TCF4: variants seen among roughly 807,000 people sequenced by gnomAD.
TCF4 encodes SL3-3 enhancer factor 2.
Under a neutral mutation model 82.1 loss-of-function variants are expected in TCF4, and 3 were observed. The ratio of observed to expected loss-of-function variants is 0.04; its 90% confidence interval spans 0.02 to 0.09. The LOEUF (loss-of-function observed/expected upper bound fraction) is 0.09, where lower values mean the gene tolerates loss of function less well. TCF4 is among the 10% of genes least tolerant of loss of function. The pLI, the probability that TCF4 is intolerant of heterozygous loss-of-function variation, is 1.00. For missense variants in TCF4, 518 were observed against 852.7 expected, an observed-to-expected ratio of 0.61 and a Z score of 4.89; for synonymous variants, 276 against 309.6, an observed-to-expected ratio of 0.89 and a Z score of 1.14.
Position 55,226,241 on chromosome 18 carries a change from T to G in TCF4, c.*1794A>C, listed in dbSNP as rs1195300900. ...CAATGGATTTATGGCATTTACTCAG[T>G]GCTGATAGGTGGAAAAACTACTTGA... On this transcript the variant is annotated 3_prime_UTR_variant, in exon 20 of 20. Coordinates refer to ENST00000354452, the MANE Select transcript of TCF4 (RefSeq NM_001083962.2). 1.3e-5 allele frequency: 2 copies of G among 152,008 alleles called. No homozygotes were observed. The highest frequency in any genetic ancestry group is 4.8e-5 in the African/African-American group (2 of 41,292). 9.4% of individuals were successfully genotyped at this position (152,008 alleles called of 1,614,324 possible). A position where few individuals can be genotyped will look rare whatever the true frequency, so the allele number is the denominator to read the frequency against.
At chr18:55,544,342 A>G (rs963752114) in intron 3 of TCF4, among the ~76,000 whole-genome samples, 15 of 152,194 alleles carry the variant, frequency 9.9e-5, no homozygotes, top group African/African-American at 3.6e-4. Flanking sequence ...TCCTCACAAC[A>G]TACTAGGGGG....
At chr18:55,526,395 CA>C (rs1039093838) in intron 3 of TCF4, among the ~76,000 whole-genome samples, 1 of 152,168 alleles carries the variant, frequency 6.6e-6, no homozygotes, top group African/African-American at 2.4e-5. Flanking sequence ...TTTGTTCATT[CA>C]TAACCAATAA....
intron 4 of TCF4, among the ~76,000 whole-genome samples, chr18:55,463,103 T>A (rs2095905265): frequency 1.3e-5 from 2 of 152,116 alleles, no homozygotes; most frequent in African/African-American, 2.4e-5. Flanking sequence ...TCTATATATA[T>A]ATAGCTGGTT....
intron 2 of TCF4, among the ~76,000 whole-genome samples, chr18:55,617,558 C>A (rs1214054367): frequency 1.3e-5 from 2 of 152,022 alleles, no homozygotes; most frequent in African/African-American, 4.8e-5. Context: ...TCTTCCAATC[C>A]ATGAATATGG....
chr18:55,447,222 A>T (rs2095541924), intron 5 of TCF4, among the ~76,000 whole-genome samples: 1 of 151,436 alleles, frequency 6.6e-6, no homozygotes, highest in African/African-American at 2.4e-5. Flanking sequence ...AGGAGGGAAG[A>T]TCTTAAGCCC....
intron 6 of TCF4, among the ~76,000 whole-genome samples, chr18:55,390,312 A>G (rs997529409): frequency 6.9e-6 from 1 of 145,166 alleles, no homozygotes; most frequent in Non-Finnish European, 1.5e-5. Context: ...AAAAAAAAAG[A>G]AAGAAAGAAA....
chr18:55,432,153 A>C (rs1406009938), intron 5 of TCF4, among the ~76,000 whole-genome samples: 3 of 152,016 alleles, frequency 2.0e-5, no homozygotes, highest in Non-Finnish European at 2.9e-5. Context: ...ATATACAAAA[A>C]TTAGCTGGGC....
chr18:55,232,385 T>C, intron 17 of TCF4, 124 bp downstream of exon 17: 1 of 1,082,850 alleles, frequency 9.2e-7, no homozygotes, highest in Non-Finnish European at 1.4e-6. Context: ...AGTAGGCCTT[T>C]AATTTTCTTT....
intron 8 of TCF4, among the ~76,000 whole-genome samples, chr18:55,303,268 C>CA (rs1376359632): frequency 2.0e-5 from 3 of 148,254 alleles, no homozygotes; most frequent in African/African-American, 7.5e-5. Flanking sequence ...CACACACACA[C>CA]CCCTACACAC....
chr18:55,423,342 G>A (rs1445354601), intron 5 of TCF4, among the ~76,000 whole-genome samples: 1 of 151,558 alleles, frequency 6.6e-6, no homozygotes, highest in African/African-American at 2.4e-5. Context: ...TTGGTCTTCC[G>A]TGGTTCACGA....
intron 3 of TCF4, among the ~76,000 whole-genome samples, chr18:55,539,976 A>G (rs1452787): frequency 0.24 from 36,886 of 151,954 alleles, 5,276 homozygotes; most frequent in Middle Eastern, 0.4. Context: ...CAAATGCTCA[A>G]TATACGTTAT....
intron 8 of TCF4, chr18:55,332,126 T>G (rs2077688190): frequency 6.6e-6 from 1 of 152,226 alleles, no homozygotes; most frequent in Non-Finnish European, 1.5e-5. Context: ...TTAATCTATA[T>G]TCTACTTTGA....
chr18:55,585,477 A>C (rs1339592448), intron 2 of TCF4, 125 bp from the exon 3 acceptor site: 3 of 886,678 alleles, frequency 3.4e-6, no homozygotes, highest in African/African-American at 1.7e-5. Context: ...TTAGTAAAAT[A>C]CATCACCATC....
chr18:55,449,597 G>A (rs2095585628), intron 5 of TCF4, among the ~76,000 whole-genome samples: 1 of 152,230 alleles, frequency 6.6e-6, no homozygotes, highest in Non-Finnish European at 1.5e-5. Flanking sequence ...GAGCTGTTAA[G>A]AGTACAGCTT....
At chr18:55,288,852 C>A (rs1489078511) in intron 8 of TCF4, among the ~76,000 whole-genome samples, 1 of 152,180 alleles carries the variant, frequency 6.6e-6, no homozygotes, top group Admixed American at 6.6e-5. Context: ...GTGGTGAAAC[C>A]AGACCCACGA....
At chr18:55,376,730 G>T (rs896371831) in intron 6 of TCF4, among the ~76,000 whole-genome samples, 1 of 152,172 alleles carries the variant, frequency 6.6e-6, no homozygotes, top group Admixed American at 6.5e-5. Context: ...GCACAGTCCG[G>T]TTAACCTGTG....
At chr18:55,251,828 G>A (rs556062561) in intron 15 of TCF4, among the ~76,000 whole-genome samples, 1 of 152,056 alleles carries the variant, frequency 6.6e-6, no homozygotes, top group East Asian at 1.9e-4. Context: ...ACTGCAGCTG[G>A]CCAAAGTTTT....
At chr18:55,384,122 A>C (rs2092343845) in intron 6 of TCF4, 2 of 152,174 alleles carry the variant, frequency 1.3e-5, no homozygotes, top group African/African-American at 4.8e-5. Context: ...TTCTTTTCTG[A>C]TCTCTTCAAT....
chr18:55,539,589 C>T (rs1365081001), intron 3 of TCF4, among the ~76,000 whole-genome samples: 5 of 152,058 alleles, frequency 3.3e-5, no homozygotes, highest in Admixed American at 3.3e-4. Context: ...GATGAGCTCA[C>T]AATCAAAAAT....
Sources: gnomAD v4.1 joint callset for allele counts (sites outside exome capture counted in the v4.1 genomes callset) on GRCh38, gnomAD v4.1.1 for gene constraint, MANE v1.5 for transcripts, NCBI Gene and HGNC (gene_info 2026-07-23, HGNC 2026-07-21) for gene names.